The following DNAJB14 variants were observed in gnomAD, a reference collection of about 807,000 sequenced individuals.
The protein encoded by DNAJB14 is dnaJ homolog subfamily B member 14.
In DNAJB14, 22 loss-of-function variants were observed where a neutral mutation model predicts 48.4. The observed-to-expected ratio is 0.45, with a 90% CI of 0.32 to 0.65. DNAJB14 has a LOEUF of 0.65. DNAJB14 is among the 30% of genes least tolerant of loss of function. The probability of loss-of-function intolerance (pLI) is 0.03; values close to 1 mark genes in which losing one functional copy is unlikely to be tolerated. For missense variants in DNAJB14, 319 were observed against 458.8 expected, an observed-to-expected ratio of 0.70 and a Z score of 2.78; for synonymous variants, 142 against 158.7, an observed-to-expected ratio of 0.89 and a Z score of 0.79.
chr4:99,923,091 TCAAAG>T lies in DNAJB14; in HGVS notation c.395_399del (p.Ala132GlufsTer17). 1 of 1,612,136 alleles carries T rather than the reference TCAAAG, an allele frequency of 6.2e-7. No individual in the cohort carries two copies. The highest frequency in any genetic ancestry group is 8.5e-7 in the Non-Finnish European group (1 of 1,179,304). ...GCATGGTTTTTGTCTGGATGAAACT[TCAAAG>T]CAAGCTTTCTATAAGCTTTTTTCAA... On this transcript the variant is annotated frameshift_variant, in exon 3 of 8. Coordinates refer to ENST00000442697, the MANE Select transcript of DNAJB14 (RefSeq NM_001031723.4). LOFTEE classifies it high-confidence loss of function.
intron 2 of DNAJB14, chr4:99,926,568 G>A (rs1726263372): frequency 2.0e-5 from 3 of 152,086 alleles, no homozygotes; most frequent in Admixed American, 2.0e-4. Flanking sequence ...TGGTTTGAGT[G>A]TGTAGGATGT....
At chr4:99,942,397 T>C in intron 1 of DNAJB14, 1 of 152,006 alleles carries the variant, frequency 6.6e-6, no homozygotes, top group East Asian at 1.9e-4. Flanking sequence ...TTAAAACAGA[T>C]TGTACCCCTC....
intron 3 of DNAJB14, among the ~76,000 whole-genome samples, chr4:99,912,482 CT>C (rs900128294): frequency 1.8e-3 from 251 of 143,066 alleles, no homozygotes; most frequent in Admixed American, 2.6e-3. Flanking sequence ...GATGACTTGA[CT>C]TTTTTTTTTT....
Position 99,946,595 on chromosome 4 carries a change from T to G in DNAJB14, c.-24A>C, listed in dbSNP as rs751749129. 7 of 1,610,718 alleles carry G rather than the reference T, an allele frequency of 4.3e-6. No homozygotes were observed. The highest frequency in any genetic ancestry group is 1.1e-5 in the South Asian group (1 of 91,006). ...ATAGCTTGCTCCTTCTTCCGTTTCC[T>G]CCGGCAGCGCAGCTAAGAAGGGCGG... On this transcript the variant is annotated 5_prime_UTR_variant, in exon 1 of 8. Transcript: ENST00000442697.
At chr4:99,933,005 G>A (rs761583250) in intron 1 of DNAJB14, among the ~76,000 whole-genome samples, 2 of 152,158 alleles carry the variant, frequency 1.3e-5, no homozygotes, top group African/African-American at 4.8e-5. Flanking sequence ...GGGAATAAAT[G>A]AGGAGTGACT....
intron 6 of DNAJB14, 104 bp from the exon 7 acceptor site, chr4:99,904,002 T>C: frequency 8.3e-7 from 1 of 1,207,356 alleles, no homozygotes; most frequent in Non-Finnish European, 1.2e-6. Flanking sequence ...AAAGTTAATA[T>C]TGGTAATACA....
chr4:99,942,581 T>C (rs1726925241), intron 1 of DNAJB14: 1 of 152,084 alleles, frequency 6.6e-6, no homozygotes. Context: ...CTGAATTCAC[T>C]TAGAAGTCCA....
At chr4:99,934,272 G>A (rs1046790053) in intron 1 of DNAJB14, among the ~76,000 whole-genome samples, 1 of 152,038 alleles carries the variant, frequency 6.6e-6, no homozygotes, top group South Asian at 2.1e-4. Context: ...GGATCTCTAC[G>A]TATTTACCAG....
At chr4:99,939,161 A>T (rs2110223909) in intron 1 of DNAJB14, among the ~76,000 whole-genome samples, 1 of 152,334 alleles carries the variant, frequency 6.6e-6, no homozygotes, top group East Asian at 1.9e-4. Context: ...CAGGAGTTCG[A>T]GACCAGCCTG....
At chr4:99,920,085 TG>T (rs1227339629) in intron 3 of DNAJB14, among the ~76,000 whole-genome samples, 1 of 152,208 alleles carries the variant, frequency 6.6e-6, no homozygotes, top group Non-Finnish European at 1.5e-5. Context: ...TTTTTATTTT[TG>T]AAATAAGAAT....
intron 2 of DNAJB14, chr4:99,924,836 T>A: frequency 4.0e-6 from 6 of 1,511,976 alleles, no homozygotes; most frequent in Non-Finnish European, 5.5e-6. Flanking sequence ...AAAGTTATTC[T>A]ATAACTAATT....
At chr4:99,919,369 G>A (rs1161951275) in intron 3 of DNAJB14, among the ~76,000 whole-genome samples, 3 of 152,062 alleles carry the variant, frequency 2.0e-5, no homozygotes, top group Admixed American at 2.0e-4. Context: ...TGGATCACGA[G>A]GTCAGGAGTT....
chr4:99,935,096 A>C (rs1038143786), intron 1 of DNAJB14, among the ~76,000 whole-genome samples: 15 of 152,090 alleles, frequency 9.9e-5, no homozygotes, highest in African/African-American at 3.4e-4. Flanking sequence ...AAACAAAAAA[A>C]TAGAACAAAT....
At chr4:99,916,170 G>A (rs189433900) in intron 3 of DNAJB14, among the ~76,000 whole-genome samples, 23 of 152,006 alleles carry the variant, frequency 1.5e-4, no homozygotes, top group Non-Finnish European at 1.3e-4. Flanking sequence ...ACAAGGTCTC[G>A]CTCTGTTACC....
chr4:99,912,465 A>G (rs1410846425), intron 3 of DNAJB14, among the ~76,000 whole-genome samples: 1 of 151,638 alleles, frequency 6.6e-6, no homozygotes, highest in Admixed American at 6.6e-5. Context: ...TCTGTATATC[A>G]ATCTGTGATG....
Position 99,908,864 on chromosome 4 carries a change from G to A in DNAJB14, c.484C>T (p.Pro162Ser). ...AGGTCATACTGTTTTCGCTTTTCTG[G>A]ATTACTTAAAACAGCATAAGCATTT... ...IGNAYAVLSN[P>S]EKRKQYDLTG... Residue 162 changes from proline to serine, a missense_variant, in exon 4 of 8, where the codon CCA (proline) becomes TCA (serine). Pro to Ser is a moderately conservative substitution (Grantham distance 74). Around this residue, in one of 3 missense-constraint regions of DNAJB14, gnomAD observed 37 missense variants for 87.8 expected, o/e 0.42. Transcript: ENST00000442697. 2 of 1,592,732 alleles carry A rather than the reference G, an allele frequency of 1.3e-6. No individual in the cohort carries two copies. Among genetic ancestry groups the A allele is most frequent in the Middle Eastern group, 1.8e-4 (1 of 5,550 alleles).
intron 1 of DNAJB14, among the ~76,000 whole-genome samples, chr4:99,945,951 A>T (rs932475075): frequency 8.5e-5 from 13 of 152,238 alleles, no homozygotes; most frequent in African/African-American, 2.7e-4. Context: ...CATCTCAGGT[A>T]TTCGATGTTT....
In DNAJB14 at chr4:99,924,659, AAG is replaced by A. The variant is rs1026941060; in HGVS notation, c.306-1476_306-1475del. 5 of 1,492,400 alleles carry A rather than the reference AAG, an allele frequency of 3.4e-6. No homozygotes were observed. In the African/African-American group the frequency reaches 7.1e-5, roughly 21 times the overall value. 92.4% of individuals were successfully genotyped at this position (1,492,400 alleles called of 1,614,324 possible). A position where few individuals can be genotyped will look rare whatever the true frequency, so the allele number is the denominator to read the frequency against. On this transcript the variant is annotated intron_variant, in intron 2 of 7. Transcript: ENST00000442697. ...TTTGACATATATCTGTAAACAAAAA[AAG>A]AGAATGATCCCACCTGTGTAGAGAC... is the stretch of plus-strand genomic sequence containing the variant.
intron 3 of DNAJB14, among the ~76,000 whole-genome samples, chr4:99,917,757 T>C (rs1465834194): frequency 6.6e-6 from 1 of 152,228 alleles, no homozygotes; most frequent in Admixed American, 6.5e-5. Flanking sequence ...GAGTATAGGA[T>C]TCTAGGTTGA....
Sources: gnomAD v4.1 joint callset for allele counts (sites outside exome capture counted in the v4.1 genomes callset) on GRCh38, gnomAD v4.1.1 for gene constraint, gnomAD v4.1.1 regional missense constraint, MANE v1.5 for transcripts, NCBI Gene and HGNC (gene_info 2026-07-23, HGNC 2026-07-21) for gene names.